The following YIPF7 variants were observed in gnomAD, a reference collection of about 807,000 sequenced individuals.
The protein encoded by YIPF7 is Yip1 domain family member 7.
A neutral mutation model predicts 27.2 loss-of-function variants in YIPF7; 35 were observed. The observed-to-expected ratio is 1.29, with a 90% confidence interval of 0.98 to 1.70. The LOEUF is 1.70. YIPF7 is among the 40% of genes most tolerant of loss of function. The probability of loss-of-function intolerance (pLI) is 0.00; values close to 1 mark genes in which losing one functional copy is unlikely to be tolerated. For synonymous variants in YIPF7, 137 were observed against 110.4 expected (o/e 1.24, Z -1.51); for missense variants, 358 against 303.7 (o/e 1.18, Z -1.33).
upstream of YIPF7, chr4:44,651,641 T>C (rs1383135213): frequency 1.3e-6 from 2 of 1,564,366 alleles, no homozygotes; most frequent in East Asian, 2.3e-5. Context: ...AAAGATGACA[T>C]GCTGGCTATA....
At chr4:44,631,795 T>C (rs1379232933) in intron 3 of YIPF7, among the ~76,000 whole-genome samples, 7 of 152,134 alleles carry the variant, frequency 4.6e-5, no homozygotes, top group Non-Finnish European at 1.0e-4. Flanking sequence ...AATTGAGACA[T>C]ACTACATATT....
intron 3 of YIPF7, among the ~76,000 whole-genome samples, chr4:44,634,624 T>C (rs947090020): frequency 1.3e-5 from 2 of 152,112 alleles, no homozygotes; most frequent in African/African-American, 4.8e-5. Context: ...AAAAATAGTA[T>C]TTTACTTTAA....
intron 4 of YIPF7, among the ~76,000 whole-genome samples, chr4:44,627,412 A>G (rs1560323161): frequency 6.6e-6 from 1 of 152,178 alleles, no homozygotes; most frequent in Non-Finnish European, 1.5e-5. Flanking sequence ...TCCAGAGATA[A>G]TAAGCAGATT....
chr4:44,640,968 C>A (rs1216411542), intron 2 of YIPF7, among the ~76,000 whole-genome samples: 1 of 151,874 alleles, frequency 6.6e-6, no homozygotes, highest in East Asian at 1.9e-4. Flanking sequence ...AGCATGGAAC[C>A]CAAGGCATGC....
chr4:44,657,640 CA>C, intron 2 of YIPF7, among the ~76,000 whole-genome samples: 1 of 152,044 alleles, frequency 6.6e-6, no homozygotes, highest in African/African-American at 2.4e-5. Context: ...GATTTTAGAC[CA>C]TTGCAGTCTT....
chr4:44,641,240 C>A (rs1268592896), intron 2 of YIPF7, among the ~76,000 whole-genome samples: 1 of 152,028 alleles, frequency 6.6e-6, no homozygotes, highest in Admixed American at 6.6e-5. Context: ...CTGTTGAATT[C>A]CAATGTTCTG....
chr4:44,650,503 G>GCACA (rs1422425041), intron 1 of YIPF7, among the ~76,000 whole-genome samples: 55 of 71,102 alleles, frequency 7.7e-4, no homozygotes, highest in African/African-American at 2.4e-3. Flanking sequence ...ATGCGCGCGC[G>GCACA]CGCGCACACA....
At chr4:44,649,696 T>C (rs2109600399) in intron 2 of YIPF7, among the ~76,000 whole-genome samples, 1 of 152,052 alleles carries the variant, frequency 6.6e-6, no homozygotes, top group East Asian at 1.9e-4. Flanking sequence ...CAGAATCGCT[T>C]GAACCCAGGA....
At chr4:44,626,359 G>A (rs1712634937) in intron 4 of YIPF7, among the ~76,000 whole-genome samples, 1 of 152,196 alleles carries the variant, frequency 6.6e-6, no homozygotes, top group Non-Finnish European at 1.5e-5. Flanking sequence ...TCATGCATTA[G>A]AGAAACCATC....
At chr4:44,646,557 G>A (rs1485836296) in intron 2 of YIPF7, among the ~76,000 whole-genome samples, 1 of 152,034 alleles carries the variant, frequency 6.6e-6, no homozygotes. Flanking sequence ...TTCAAAAGGT[G>A]GAAAAATATA....
intron 1 of YIPF7, among the ~76,000 whole-genome samples, chr4:44,651,053 T>C (rs982782647): frequency 6.6e-6 from 1 of 152,216 alleles, no homozygotes; most frequent in African/African-American, 2.4e-5. Flanking sequence ...GAGTAATCCA[T>C]ATGCTTATAA....
chr4:44,651,868 A>G (rs1376915610), upstream of YIPF7, among the ~76,000 whole-genome samples: 1 of 152,226 alleles, frequency 6.6e-6, no homozygotes, highest in Non-Finnish European at 1.5e-5. Context: ...CTGAGGTAAG[A>G]TCATTTATTT....
intron 2 of YIPF7, among the ~76,000 whole-genome samples, chr4:44,636,979 T>C (rs1314261740): frequency 6.6e-6 from 1 of 152,160 alleles, no homozygotes; most frequent in Non-Finnish European, 1.5e-5. Flanking sequence ...TTTTAGCACG[T>C]TTATGAGTAA....
chr4:44,653,033 T>TTCTTAAGCC (rs1228273039), upstream of YIPF7, among the ~76,000 whole-genome samples: 1 of 152,072 alleles, frequency 6.6e-6, no homozygotes, highest in Admixed American at 6.6e-5. Flanking sequence ...CAGGGAAGGC[T>TTCTTAAGCC]TCTTAAGAGG....
At chr4:44,633,876 A>C (rs1406456938) in intron 3 of YIPF7, among the ~76,000 whole-genome samples, 1 of 152,222 alleles carries the variant, frequency 6.6e-6, no homozygotes, top group Non-Finnish European at 1.5e-5. Flanking sequence ...ATATATGAGA[A>C]ATGTCAAAAT....
intron 2 of YIPF7, among the ~76,000 whole-genome samples, chr4:44,658,697 G>A (rs1173828487): frequency 2.0e-5 from 3 of 152,184 alleles, no homozygotes; most frequent in African/African-American, 4.8e-5. Flanking sequence ...AGGCATACCC[G>A]AGACTGGGTA....
chr4:44,641,673 C>T (rs772329906), intron 2 of YIPF7, among the ~76,000 whole-genome samples: 8 of 152,112 alleles, frequency 5.3e-5, no homozygotes, highest in Non-Finnish European at 8.8e-5. Flanking sequence ...ATTCGACCTC[C>T]TTTATGTGAG....
At chr4:44,647,853 T>C (rs1480653303) in intron 2 of YIPF7, among the ~76,000 whole-genome samples, 3 of 152,120 alleles carry the variant, frequency 2.0e-5, no homozygotes, top group African/African-American at 7.2e-5. Flanking sequence ...ATGTATTCTG[T>C]CTTTTCCTCT....
intron 5 of YIPF7, 78 bp downstream of exon 5, chr4:44,624,523 G>T: frequency 7.1e-7 from 1 of 1,411,784 alleles, no homozygotes; most frequent in South Asian, 1.6e-5. Context: ...ATCAGGAAGG[G>T]CTCAACTTTT....
Sources: gnomAD v4.1 joint callset for allele counts (sites outside exome capture counted in the v4.1 genomes callset) on GRCh38, gnomAD v4.1.1 for gene constraint, MANE v1.5 for transcripts, NCBI Gene and HGNC (gene_info 2026-07-23, HGNC 2026-07-21) for gene names.